MEIS2: variants seen among roughly 807,000 people sequenced by gnomAD.
MEIS2 encodes Meis homeobox 2.
MEIS2 carries 9 observed loss-of-function variants against 58.6 expected under a neutral mutation model. The observed-to-expected ratio is 0.15, with a 90% confidence interval of 0.09 to 0.27. The LOEUF is 0.27. Ranked by LOEUF, MEIS2 falls within the 10% of genes least tolerant of loss-of-function variation. The pLI is 1.00. For synonymous variants in MEIS2, 221 were observed against 228.4 expected, an observed-to-expected ratio of 0.97 and a Z score of 0.29; for missense variants, 427 against 635.0, an observed-to-expected ratio of 0.67 and a Z score of 3.52.
intron 9 of MEIS2, among the ~76,000 whole-genome samples, chr15:36,912,762 T>C (rs2057093777): frequency 6.6e-6 from 1 of 151,904 alleles, no homozygotes; most frequent in Non-Finnish European, 1.5e-5. Flanking sequence ...GCAAACTTTA[T>C]TTCTTCTGTT....
chr15:37,072,497 CT>C (rs904617581), intron 7 of MEIS2, among the ~76,000 whole-genome samples: 12 of 151,998 alleles, frequency 7.9e-5, no homozygotes, highest in African/African-American at 2.9e-4. Context: ...TCTCCAGCCT[CT>C]TTTTTTTCAC....
At position 36,997,475 on chromosome 15, in the gene MEIS2, T is replaced by TTC. The variant is rs1004685886; in HGVS notation, c.900+39337_900+39338dup. Reference sequence around the variant, plus strand: ...TTCAGTATCTTAGCCAATTCTTGATTTCTCTCTCTCTCTCTTTTTTTTTTT... The same window carrying TTC: ...TTCAGTATCTTAGCCAATTCTTGATTTCTCTCTCTCTCTCTCTTTTTTTTTTT... On this transcript the variant is annotated intron_variant, in intron 8 of 11. Coordinates refer to ENST00000561208, the MANE Select transcript of MEIS2 (RefSeq NM_170675.5). 2.1e-5 allele frequency among the ~76,000 whole-genome samples: 3 copies of TTC among 141,014 alleles called. No homozygotes were observed. The Admixed American group carries it at 2.4e-4, about 11-fold the overall frequency. 92.5% of individuals were successfully genotyped at this position (141,014 alleles called of 152,430 possible). A position where few individuals can be genotyped will look rare whatever the true frequency, so the allele number is the denominator to read the frequency against.
chr15:36,987,676 G>A, intron 8 of MEIS2, among the ~76,000 whole-genome samples: 1 of 152,012 alleles, frequency 6.6e-6, no homozygotes, highest in East Asian at 1.9e-4. Flanking sequence ...ATAACACTTT[G>A]ATGGCAAAGA....
intron 8 of MEIS2, among the ~76,000 whole-genome samples, chr15:36,990,228 A>C (rs925937547): frequency 9.9e-5 from 15 of 152,102 alleles, no homozygotes; most frequent in African/African-American, 3.6e-4. Context: ...TACAGGCATG[A>C]GCCACCGCGC....
At chr15:37,066,239 A>G (rs1231289513) in intron 7 of MEIS2, 2 of 152,184 alleles carry the variant, frequency 1.3e-5, no homozygotes, top group Admixed American at 6.5e-5. Flanking sequence ...GCTCCAGTTT[A>G]ACTTGAAGAA....
intron 8 of MEIS2, among the ~76,000 whole-genome samples, chr15:36,960,809 A>G (rs1419181992): frequency 6.6e-6 from 1 of 152,180 alleles, no homozygotes; most frequent in Non-Finnish European, 1.5e-5. Context: ...GAGAAGCATC[A>G]TTACCAGTCT....
At chr15:37,032,172 T>C (rs1305675337) in intron 8 of MEIS2, among the ~76,000 whole-genome samples, 1 of 152,192 alleles carries the variant, frequency 6.6e-6, no homozygotes, top group African/African-American at 2.4e-5. Context: ...ATCTGCTAAG[T>C]GTGAGCTTTA....
chr15:36,942,426 C>A (rs79578870), intron 9 of MEIS2, among the ~76,000 whole-genome samples: 18,128 of 152,062 alleles, frequency 0.12, 1,696 homozygotes, highest in East Asian at 0.33. Flanking sequence ...GCGAATTGGG[C>A]GGAATTCCTG....
intron 8 of MEIS2, among the ~76,000 whole-genome samples, chr15:37,002,672 T>G (rs894893090): frequency 5.9e-5 from 9 of 152,124 alleles, no homozygotes; most frequent in African/African-American, 1.4e-4. Flanking sequence ...ATCTGTATTT[T>G]AGTGGTAGGG....
Position 37,098,318 on chromosome 15 carries a change from G to T in MEIS2, c.13-119C>A, listed in dbSNP as rs892526042. The T allele has an allele frequency of 7.3e-6, 9 of 1,232,204 alleles. No homozygotes were observed. In the African/African-American group the frequency reaches 1.3e-4, roughly 17 times the overall value. The allele number at this position is 1,232,204 out of a possible 1,614,324, so 76.3% of individuals were successfully genotyped here. On this transcript the variant is annotated intron_variant, in intron 1 of 11. Coordinates refer to ENST00000561208, the MANE Select transcript of MEIS2 (RefSeq NM_170675.5). ...AACAGAAAAGAGAGGAAGGGATAAA[G>T]ATGAGAGAGAGGGAGGGAGGTAAGA...
chr15:36,894,093 T>C (rs2056036455), intron 11 of MEIS2, among the ~76,000 whole-genome samples: 1 of 152,220 alleles, frequency 6.6e-6, no homozygotes, highest in Admixed American at 6.5e-5. Flanking sequence ...TGCTCCTAAA[T>C]GTCTTTCCCT....
In MEIS2 at chr15:37,036,800, TCATC is replaced by T; in HGVS notation, c.900+10_900+13del. On this transcript the variant is annotated intron_variant, in intron 8 of 11. Coordinates refer to ENST00000561208, the MANE Select transcript of MEIS2 (RefSeq NM_170675.5). The stretch of plus-strand genomic sequence containing the variant: ...ACAAAAACTATTTTTTTTTTCTCTT[TCATC>T]TTGACTTACTGTGAGATGCTGGAAG... The T allele has an allele frequency of 6.2e-7, 1 of 1,605,646 alleles. No homozygotes were observed.
At chr15:37,098,399 A>T in intron 1 of MEIS2, 200 bp from the exon 2 acceptor site, 2 of 1,206,914 alleles carry the variant, frequency 1.7e-6, no homozygotes, top group Non-Finnish European at 1.0e-6. Context: ...AGAGAGAGAG[A>T]GAGAGAGAGA....
chr15:36,999,892 T>C (rs559294755), intron 8 of MEIS2, among the ~76,000 whole-genome samples: 14 of 152,324 alleles, frequency 9.2e-5, no homozygotes, highest in African/African-American at 3.4e-4. Context: ...ATTTTTAACA[T>C]GCTTTTTACA....
chr15:36,997,727 C>T (rs749293294), intron 8 of MEIS2, among the ~76,000 whole-genome samples: 7 of 152,092 alleles, frequency 4.6e-5, no homozygotes, highest in Non-Finnish European at 7.4e-5. Context: ...GTGATCTGTC[C>T]GCTTTGGCCT....
At chr15:37,087,500 G>A (rs1414797770) in intron 6 of MEIS2, among the ~76,000 whole-genome samples, 1 of 152,046 alleles carries the variant, frequency 6.6e-6, no homozygotes, top group African/African-American at 2.4e-5. Flanking sequence ...TGTAGTAGTG[G>A]GGCCACAGGA....
chr15:36,962,548 G>C (rs1292163081), intron 8 of MEIS2, among the ~76,000 whole-genome samples: 2 of 150,422 alleles, frequency 1.3e-5, no homozygotes, highest in Non-Finnish European at 3.0e-5. Context: ...TTTTTTTACT[G>C]TCGCAGTGTT....
intron 9 of MEIS2, among the ~76,000 whole-genome samples, chr15:36,922,800 T>A (rs2057574029): frequency 6.6e-6 from 1 of 151,534 alleles, no homozygotes; most frequent in Non-Finnish European, 1.5e-5. Flanking sequence ...TTTTTTTTTT[T>A]AGAGATGGGG....
intron 6 of MEIS2, among the ~76,000 whole-genome samples, chr15:37,087,190 A>C (rs367926084): frequency 3.9e-5 from 6 of 152,304 alleles, no homozygotes; most frequent in African/African-American, 1.4e-4. Flanking sequence ...CCTGTTCTCC[A>C]GCCAAAAAAA....
Sources: allele counts gnomAD v4.1 joint callset (sites outside exome capture counted in the v4.1 genomes callset), GRCh38; gene constraint gnomAD v4.1.1; transcripts MANE v1.5; gene names NCBI Gene and HGNC (gene_info 2026-07-23, HGNC 2026-07-21).